ANKRD33B: variants seen among roughly 807,000 people sequenced by gnomAD.
ANKRD33B encodes the protein ankyrin repeat domain-containing protein 33B.
A neutral mutation model predicts 21.5 loss-of-function variants in ANKRD33B; 6 were observed. That is an observed-to-expected ratio of 0.28 (90% CI 0.15 to 0.55). The LOEUF is 0.55. ANKRD33B is among the 20% of genes least tolerant of loss of function. The pLI is 0.94. For missense variants in ANKRD33B, 698 were observed against 747.2 expected, an observed-to-expected ratio of 0.93 and a Z score of 0.77; for synonymous variants, 347 against 342.4, an observed-to-expected ratio of 1.01 and a Z score of -0.15.
chr5:10,605,521 C>A (rs1736028388), intron 1 of ANKRD33B, among the ~76,000 whole-genome samples: 1 of 148,788 alleles, frequency 6.7e-6, no homozygotes, highest in Admixed American at 7.1e-5. Flanking sequence ...TTCTTTCTTT[C>A]CTTTTCTTCT....
At chr5:10,617,672 C>G (rs990034940) in intron 1 of ANKRD33B, among the ~76,000 whole-genome samples, 1 of 152,176 alleles carries the variant, frequency 6.6e-6, no homozygotes, top group Non-Finnish European at 1.5e-5. Context: ...ACTCCCCCTA[C>G]TCAGGGGGTC....
chr5:10,614,845 C>G (rs1736249220), intron 1 of ANKRD33B, among the ~76,000 whole-genome samples: 1 of 151,968 alleles, frequency 6.6e-6, no homozygotes. Flanking sequence ...CAAGATCACA[C>G]CACTGCATTC....
chr5:10,577,187 T>A (rs1226007810), intron 1 of ANKRD33B, among the ~76,000 whole-genome samples: 2 of 150,388 alleles, frequency 1.3e-5, no homozygotes, highest in East Asian at 4.1e-4. Flanking sequence ...TGGAGTGCAA[T>A]GGCACAATCT....
At chr5:10,575,974 C>T (rs966357323) in intron 1 of ANKRD33B, among the ~76,000 whole-genome samples, 27 of 146,500 alleles carry the variant, frequency 1.8e-4, no homozygotes, top group Non-Finnish European at 3.2e-4. Context: ...TATAGATGGA[C>T]GTATACACAC....
chr5:10,633,007 T>G (rs909714809), intron 2 of ANKRD33B, among the ~76,000 whole-genome samples: 8 of 150,028 alleles, frequency 5.3e-5, no homozygotes, highest in Non-Finnish European at 1.2e-4. Context: ...AGGCTGGTCT[T>G]GAACTCCTGA....
At chr5:10,570,138 A>G (rs1458237315) in intron 1 of ANKRD33B, among the ~76,000 whole-genome samples, 1 of 152,082 alleles carries the variant, frequency 6.6e-6, no homozygotes, top group East Asian at 1.9e-4. Context: ...CGGCCTCCCA[A>G]AGTGCTGGGA....
At chr5:10,590,602 GC>G (rs1735662052) in intron 1 of ANKRD33B, among the ~76,000 whole-genome samples, 1 of 103,928 alleles carries the variant, frequency 9.6e-6, no homozygotes, top group Admixed American at 8.4e-5. Context: ...GCGCGCGCGC[GC>G]GCGCGTGTGT....
intron 1 of ANKRD33B, among the ~76,000 whole-genome samples, chr5:10,570,327 C>A (rs555646513): frequency 2.0e-5 from 3 of 152,174 alleles, no homozygotes; most frequent in African/African-American, 7.2e-5. Flanking sequence ...TTTGCTCATT[C>A]GTCTTCATTC....
At chr5:10,602,101 G>T (rs1484601008) in intron 1 of ANKRD33B, among the ~76,000 whole-genome samples, 5 of 140,050 alleles carry the variant, frequency 3.6e-5, no homozygotes, top group Non-Finnish European at 8.2e-5. Context: ...AAATGAACAA[G>T]AACACAAGCT....
chr5:10,614,025 G>GTGTGTGTGTGTGTGTGTGTA (rs1295818243), intron 1 of ANKRD33B, among the ~76,000 whole-genome samples: 34 of 150,570 alleles, frequency 2.3e-4, no homozygotes, highest in Middle Eastern at 3.4e-3. Flanking sequence ...GTGTGTGTGT[G>GTGTGTGTGTGTGTGTGTGTA]TATAAACATA....
intron 1 of ANKRD33B, among the ~76,000 whole-genome samples, chr5:10,582,551 C>T (rs1409058047): frequency 6.6e-6 from 1 of 152,242 alleles, no homozygotes; most frequent in Non-Finnish European, 1.5e-5. Flanking sequence ...TTTTTAACAA[C>T]AGCATTGTCT....
intron 1 of ANKRD33B, among the ~76,000 whole-genome samples, chr5:10,583,851 G>A (rs567538046): frequency 6.6e-6 from 1 of 152,340 alleles, no homozygotes; most frequent in South Asian, 2.1e-4. Context: ...GATTTGGAGT[G>A]TTTGTTGTTG....
chr5:10,637,425 GACACACACACAC>G lies in ANKRD33B; in HGVS notation c.497-576_497-565del, dbSNP rs59222148. ...GGATGTGTGTGGGCGTAGGTAGTTA[GACACACACACAC>G]ACACACACACACACACACACACACA... On this transcript the variant is annotated intron_variant, in intron 2 of 3. Coordinates refer to ENST00000296657, the MANE Select transcript of ANKRD33B (RefSeq NM_001164440.2). 1.3e-4 allele frequency among the ~76,000 whole-genome samples: 13 copies of G among 100,392 alleles called. No individual in the cohort carries two copies. In the South Asian group the frequency reaches 1.9e-3, roughly 15 times the overall value. The allele number at this position is 100,392 out of a possible 152,430, so 65.9% of individuals were successfully genotyped here.
intron 1 of ANKRD33B, among the ~76,000 whole-genome samples, chr5:10,568,724 A>C (rs1560958281): frequency 6.6e-6 from 1 of 152,160 alleles, no homozygotes; most frequent in East Asian, 1.9e-4. Context: ...TAGTAGAGAC[A>C]GGGTTTCATC....
chr5:10,596,281 G>A (rs969868515), intron 1 of ANKRD33B, among the ~76,000 whole-genome samples: 3 of 152,174 alleles, frequency 2.0e-5, no homozygotes, highest in African/African-American at 7.2e-5. Context: ...TAGGTATTAA[G>A]TGCAGAATTC....
intron 1 of ANKRD33B, among the ~76,000 whole-genome samples, chr5:10,601,248 C>T (rs570909107): frequency 2.0e-5 from 3 of 152,330 alleles, no homozygotes; most frequent in South Asian, 2.1e-4. Flanking sequence ...AATCTGATCA[C>T]GCTGCTTTCT....
rs187311972 is a variant in ANKRD33B at position 10,651,144 on chromosome 5, G to A, written c.*1031G>A. 1.1e-4 allele frequency: 17 copies of A among 152,484 alleles called. No individual in the cohort carries two copies. The East Asian group carries it at 3.0e-3, about 27-fold the overall frequency. 9.4% of individuals were successfully genotyped at this position (152,484 alleles called of 1,614,324 possible). On this transcript the variant is annotated 3_prime_UTR_variant, in exon 4 of 4. Coordinates refer to ENST00000296657, the MANE Select transcript of ANKRD33B (RefSeq NM_001164440.2). ...AGAAGAGGTGAGAGAATGGAATGGGGAACAGACTTGTTTTCGGCAAATTCT... is the reference window on the plus strand; with the variant it reads ...AGAAGAGGTGAGAGAATGGAATGGGAAACAGACTTGTTTTCGGCAAATTCT...
At chr5:10,565,105 T>C (rs966584224) in intron 1 of ANKRD33B, among the ~76,000 whole-genome samples, 1 of 152,204 alleles carries the variant, frequency 6.6e-6, no homozygotes, top group Admixed American at 6.5e-5. Flanking sequence ...CCCCTTCTCG[T>C]TTACCGGTCC....
rs1737291752 is a variant in ANKRD33B, at chr5:10,649,793, C to T, written c.1165C>T (p.Pro389Ser). Residue 389 changes from proline to serine, a missense_variant, in exon 4 of 4, where the codon CCC becomes TCC. Around this residue, in one of 3 missense-constraint regions of ANKRD33B, gnomAD observed 543 missense variants for 566.5 expected, o/e 0.96. Transcript: ENST00000296657. The stretch of plus-strand genomic sequence containing the variant: ...GGGCTCCCCGAGAGCCGGCCTCCCT[C>T]CCGCCCTGGGGTCCCGGGGCCCCGC... ...REGSPRAGLP[P>S]ALGSRGPAAP... The T allele has an allele frequency of 2.9e-6, 4 of 1,401,646 alleles. No homozygotes were observed. The highest frequency in any genetic ancestry group is 3.7e-6 in the Non-Finnish European group (4 of 1,084,438). 86.8% of individuals were successfully genotyped at this position (1,401,646 alleles called of 1,614,324 possible). A position where few individuals can be genotyped will look rare whatever the true frequency, so the allele number is the denominator to read the frequency against.
Sources: gnomAD v4.1 joint callset for allele counts (sites outside exome capture counted in the v4.1 genomes callset) on GRCh38, gnomAD v4.1.1 for gene constraint, gnomAD v4.1.1 regional missense constraint, MANE v1.5 for transcripts, NCBI Gene and HGNC (gene_info 2026-07-23, HGNC 2026-07-21) for gene names.